The following MYPN variants were observed in gnomAD, a reference collection of about 807,000 sequenced individuals.
MYPN encodes sarcomeric protein myopalladin, 145 kDa (MYOP).
MYPN carries 63 observed loss-of-function variants against 129.4 expected under a neutral mutation model. The observed-to-expected ratio is 0.49, with a 90% CI of 0.40 to 0.60. The LOEUF is 0.60. Among genes scored for constraint, MYPN ranks in the 20% least tolerant of loss-of-function variants. MYPN has a pLI of 0.00. For missense variants in MYPN, 1,596 were observed against 1,635.4 expected, an observed-to-expected ratio of 0.98 and a Z score of 0.42; for synonymous variants, 629 against 600.9, an observed-to-expected ratio of 1.05 and a Z score of -0.68.
chr10:68,173,219 G>A (rs908241128), intron 10 of MYPN, among the ~76,000 whole-genome samples: 6 of 152,270 alleles, frequency 3.9e-5, no homozygotes, highest in African/African-American at 7.2e-5. Flanking sequence ...AGACACATCC[G>A]GCTTCTTTGT....
intron 10 of MYPN, among the ~76,000 whole-genome samples, chr10:68,173,260 A>C (rs2043169653): frequency 6.6e-6 from 1 of 152,176 alleles, no homozygotes; most frequent in African/African-American, 2.4e-5. Flanking sequence ...GGCAGAGTGG[A>C]GAATACAGCA....
intron 6 of MYPN, 86 bp downstream of exon 6, chr10:68,150,197 A>T: frequency 1.6e-6 from 2 of 1,251,268 alleles, no homozygotes; most frequent in East Asian, 2.4e-5. Context: ...ATTCATTTTT[A>T]TCTCAGGATT....
At chr10:68,128,432 T>C (rs2042358362) in intron 2 of MYPN, among the ~76,000 whole-genome samples, 1 of 152,250 alleles carries the variant, frequency 6.6e-6, no homozygotes, top group South Asian at 2.1e-4. Context: ...AAAAAGCATA[T>C]CTGAATTTCA....
intron 2 of MYPN, among the ~76,000 whole-genome samples, chr10:68,128,704 A>G (rs2042363342): frequency 1.3e-5 from 2 of 152,200 alleles, no homozygotes; most frequent in Admixed American, 6.5e-5. Context: ...AGGAGGGAGC[A>G]TATAGCAAAG....
At chr10:68,188,878 A>G (rs777472418) in intron 12 of MYPN, 27 bp from the exon 13 acceptor site, 2 of 1,599,444 alleles carry the variant, frequency 1.3e-6, no homozygotes, top group African/African-American at 2.7e-5. Context: ...CCATATGGAA[A>G]TTGAAACACG....
chr10:68,209,814 C>T (rs2043878875), intron 19 of MYPN, among the ~76,000 whole-genome samples: 1 of 151,926 alleles, frequency 6.6e-6, no homozygotes, highest in Non-Finnish European at 1.5e-5. Flanking sequence ...CGTGCCTCAG[C>T]ATCCTGAGTA....
intron 4 of MYPN, among the ~76,000 whole-genome samples, chr10:68,146,210 T>C (rs2042664488): frequency 6.6e-6 from 1 of 152,212 alleles, no homozygotes; most frequent in South Asian, 2.1e-4. Flanking sequence ...CTTCCCCACC[T>C]CAGGCTGTCT....
intron 15 of MYPN, among the ~76,000 whole-genome samples, chr10:68,196,230 A>G (rs1297616977): frequency 6.6e-6 from 1 of 152,192 alleles, no homozygotes; most frequent in Non-Finnish European, 1.5e-5. Flanking sequence ...TTAATGATTG[A>G]ATGTATATTG....
intron 17 of MYPN, among the ~76,000 whole-genome samples, chr10:68,200,824 G>A (rs549826871): frequency 1.0e-3 from 158 of 151,640 alleles, no homozygotes; most frequent in Admixed American, 3.7e-3. Context: ...GGCTAGTGGC[G>A]GTTTCCCCTG....
chr10:68,173,594 ATTTATTTATTTAT>A (rs1195136370), intron 10 of MYPN, among the ~76,000 whole-genome samples: 8 of 147,302 alleles, frequency 5.4e-5, no homozygotes, highest in African/African-American at 2.0e-4. Flanking sequence ...TTATTTATTT[ATTTATTTATTTAT>A]TTATTTATTT....
intron 1 of MYPN, among the ~76,000 whole-genome samples, chr10:68,092,208 T>C (rs188664833): frequency 5.3e-5 from 8 of 152,092 alleles, no homozygotes; most frequent in African/African-American, 1.7e-4. Context: ...TGTATGTTGT[T>C]GGCCGGGTGC....
intron 2 of MYPN, among the ~76,000 whole-genome samples, chr10:68,124,570 T>A (rs1190487892): frequency 2.0e-5 from 3 of 152,230 alleles, no homozygotes; most frequent in Non-Finnish European, 2.9e-5. Context: ...CATAAGGCAA[T>A]GCCAAATATT....
At chr10:68,123,683 CAATAAATAAATAAATA>C (rs58776013) in intron 2 of MYPN, among the ~76,000 whole-genome samples, 12 of 139,662 alleles carry the variant, frequency 8.6e-5, no homozygotes, top group South Asian at 2.4e-4. Flanking sequence ...GAGACTCCTT[CAATAAATAAATAAATA>C]AATAAATAAA....
intron 2 of MYPN, among the ~76,000 whole-genome samples, chr10:68,136,025 G>A (rs2042481854): frequency 6.6e-6 from 1 of 152,188 alleles, no homozygotes; most frequent in African/African-American, 2.4e-5. Context: ...TATTACTGGT[G>A]AGTCAGAATA....
chr10:68,129,316 AT>A (rs1453139945), intron 2 of MYPN, among the ~76,000 whole-genome samples: 2 of 152,240 alleles, frequency 1.3e-5, no homozygotes, highest in Non-Finnish European at 2.9e-5. Flanking sequence ...TAAAAATAAT[AT>A]TAGTAACTTT....
Position 68,160,443 on chromosome 10 carries a change from A to C in MYPN, c.1460-1286A>C, listed in dbSNP as rs1417156221. Among the ~76,000 whole-genome samples the C allele has an allele frequency of 5.3e-5, 8 of 150,826 alleles. No homozygotes were observed. In the East Asian group the frequency reaches 1.2e-3, roughly 22 times the overall value. On this transcript the variant is annotated intron_variant, in intron 7 of 19. Coordinates refer to ENST00000358913, the MANE Select transcript of MYPN (RefSeq NM_032578.4). ...AGACCTTATCTCAAAAAAAAAAAAA[A>C]AAAAAAAAAAAACAGAGAGAGAGAA...
chr10:68,093,574 T>TAAAAAAAAAAAAAAA (rs34247732), intron 1 of MYPN, among the ~76,000 whole-genome samples: 1 of 106,822 alleles, frequency 9.4e-6, no homozygotes, highest in Non-Finnish European at 2.0e-5. Flanking sequence ...CCATCTCTAC[T>TAAAAAAAAAAAAAAA]AAAAAAAAAA....
chr10:68,206,107 G>GGTGTA (rs1041571914), intron 18 of MYPN, among the ~76,000 whole-genome samples: 1 of 152,144 alleles, frequency 6.6e-6, no homozygotes, highest in Non-Finnish European at 1.5e-5. Context: ...GCCAACAAGG[G>GGTGTA]GTGTAGGGAA....
chr10:68,193,147 A>G (rs2043543411), intron 13 of MYPN, among the ~76,000 whole-genome samples: 1 of 151,364 alleles, frequency 6.6e-6, no homozygotes, highest in African/African-American at 2.4e-5. Context: ...TTTTTTATGT[A>G]GGTATTTATT....
Sources: allele counts gnomAD v4.1 joint callset (sites outside exome capture counted in the v4.1 genomes callset), GRCh38; gene constraint gnomAD v4.1.1; transcripts MANE v1.5; gene names NCBI Gene and HGNC (gene_info 2026-07-23, HGNC 2026-07-21).